The following ADAMTS2 variants were observed in gnomAD, a reference collection of about 807,000 sequenced individuals.
ADAMTS2 encodes A disintegrin and metalloproteinase with thrombospondin motifs 2.
Under a neutral mutation model 123.0 loss-of-function variants are expected in ADAMTS2, and 50 were observed. The ratio of observed to expected loss-of-function variants is 0.41; its 90% CI spans 0.32 to 0.51. The LOEUF (loss-of-function observed/expected upper bound fraction) is 0.51. Ranked by LOEUF, ADAMTS2 falls within the 20% of genes least tolerant of loss-of-function variation. The pLI, the probability that ADAMTS2 is intolerant of heterozygous loss-of-function variation, is 0.35. For missense variants in ADAMTS2, 1,494 were observed against 1,705.2 expected (o/e 0.88, Z 2.18); for synonymous variants, 678 against 695.4 (o/e 0.98, Z 0.39).
chr5:179,299,976 C>A (rs1413051198), intron 2 of ADAMTS2, among the ~76,000 whole-genome samples: 3 of 151,928 alleles, frequency 2.0e-5, no homozygotes, highest in Non-Finnish European at 4.4e-5. Context: ...CGCCTGTAGT[C>A]CCAGCTACTC....
intron 2 of ADAMTS2, among the ~76,000 whole-genome samples, chr5:179,282,954 G>A (rs1295441472): frequency 6.6e-6 from 1 of 152,120 alleles, no homozygotes; most frequent in Non-Finnish European, 1.5e-5. Context: ...GTGAGCCACT[G>A]TGAGCAACTC....
chr5:179,211,072 CCACCTG>C (rs1212690313), intron 3 of ADAMTS2, among the ~76,000 whole-genome samples: 1 of 152,230 alleles, frequency 6.6e-6, no homozygotes, highest in African/African-American at 2.4e-5. Context: ...TTGGGCCTGC[CCACCTG>C]CACTGGTTGC....
intron 3 of ADAMTS2, among the ~76,000 whole-genome samples, chr5:179,211,950 C>A (rs1034341801): frequency 5.9e-5 from 9 of 152,178 alleles, no homozygotes; most frequent in African/African-American, 1.7e-4. Context: ...AACCAAGGAG[C>A]AGGAAAATTA....
rs1763438310 is a variant in ADAMTS2, at chr5:179,154,876, G to A, written c.1176C>T (p.Cys392=). ...VTGMCHPVRS[C]TLNHEDGFSS... is the part of the protein sequence containing the mutation. ...AGAAGCCGTCCTCATGGTTCAGGGT[G>A]CAGCTGCGGACCGGATGGCACATGC... Residue 392 remains cysteine, a synonymous_variant, in exon 7 of 22, where the codon TGC becomes TGT. Transcript: ENST00000251582. The A allele has an allele frequency of 6.2e-7, 1 of 1,613,640 alleles. No homozygotes were observed. Among genetic ancestry groups the A allele is most frequent in the African/African-American group, 1.3e-5 (1 of 74,940 alleles).
chr5:179,231,943 GA>G (rs58118969), intron 3 of ADAMTS2, among the ~76,000 whole-genome samples: 35 of 149,326 alleles, frequency 2.3e-4, no homozygotes, highest in African/African-American at 3.4e-4. Context: ...AAAAGAAAAA[GA>G]AAAAAAAAAA....
intron 3 of ADAMTS2, among the ~76,000 whole-genome samples, chr5:179,263,666 T>A (rs1417860887): frequency 6.6e-6 from 1 of 152,152 alleles, no homozygotes; most frequent in Non-Finnish European, 1.5e-5. Flanking sequence ...AGGGACCAAG[T>A]CAAGAGCTCT....
rs1007945477 is a variant in ADAMTS2 at position 179,314,538 on chromosome 5, C to A, written c.534+29229G>T. ...AGCAGCCCTCCCACCCACAGCGCTCCTGCCTCTGCAGCCCCCCGGGCCGTG... is the reference window on the plus strand; with the variant it reads ...AGCAGCCCTCCCACCCACAGCGCTCATGCCTCTGCAGCCCCCCGGGCCGTG... On this transcript the variant is annotated intron_variant, in intron 2 of 21. Coordinates refer to ENST00000251582, the MANE Select transcript of ADAMTS2 (RefSeq NM_014244.5). This position sits in a 1 kb window ranked among gnomAD's most constrained non-coding sequence, Gnocchi z 4.5. Among the ~76,000 whole-genome samples, 1 of 152,184 alleles carries A rather than the reference C, an allele frequency of 6.6e-6. No individual in the cohort carries two copies. Among genetic ancestry groups the A allele is most frequent in the Non-Finnish European group, 1.5e-5 (1 of 68,032 alleles).
At chr5:179,147,828 C>T (rs1359668914) in intron 10 of ADAMTS2, among the ~76,000 whole-genome samples, 1 of 152,176 alleles carries the variant, frequency 6.6e-6, no homozygotes, top group African/African-American at 2.4e-5. Context: ...CAGTGGCACC[C>T]ACGGGAGGAG....
In ADAMTS2 at chr5:179,228,174, G is replaced by A. The variant is rs1429907484; in HGVS notation, c.689-20459C>T. ...GAGAGAGGGTGGGCCGGAGGCCCCA[G>A]GTGTGGGCGGCCTCCAGGATGAATC... On this transcript the variant is annotated intron_variant, in intron 3 of 21. Transcript: ENST00000251582. The surrounding 1 kb of genome is among the most constrained non-coding windows in gnomAD (Gnocchi z 5.2). 2.0e-5 allele frequency among the ~76,000 whole-genome samples: 3 copies of A among 152,208 alleles called. No homozygotes were observed. The highest frequency in any genetic ancestry group is 7.2e-5 in the African/African-American group (3 of 41,458).
rs1554094529 is a variant in ADAMTS2, at chr5:179,277,319, A to AAC, written c.535-4256_535-4255insGT. Among the ~76,000 whole-genome samples the AAC allele has an allele frequency of 2.9e-4, 18 of 62,594 alleles. 3 individuals are homozygous for AAC. The highest frequency in any genetic ancestry group is 7.2e-4 in the African/African-American group (6 of 8,346). The allele number at this position is 62,594 out of a possible 152,430, so 41.1% of individuals were successfully genotyped here. ...GCACCTGCCCCGAGACCAAAGGCTG[A>AAC]CACCCCGAGACCAAAGGCTGACCCC... On this transcript the variant is annotated intron_variant, in intron 2 of 21. Transcript: ENST00000251582.
intron 10 of ADAMTS2, among the ~76,000 whole-genome samples, chr5:179,141,066 C>T (rs1429076986): frequency 6.6e-6 from 1 of 151,928 alleles, no homozygotes; most frequent in African/African-American, 2.4e-5. Flanking sequence ...CCACCTGCCT[C>T]AGCCTTCCAA....
chr5:179,264,727 G>C (rs1391399277), intron 3 of ADAMTS2, among the ~76,000 whole-genome samples: 1 of 152,206 alleles, frequency 6.6e-6, no homozygotes, highest in South Asian at 2.1e-4. Flanking sequence ...GTGAGCACTG[G>C]GCAGGCGCCC....
intron 17 of ADAMTS2, among the ~76,000 whole-genome samples, chr5:179,126,817 G>A (rs1762868022): frequency 6.6e-6 from 1 of 152,192 alleles, no homozygotes; most frequent in Non-Finnish European, 1.5e-5. Context: ...AGGAAGCAGA[G>A]GCTGGGGAGG....
At chr5:179,131,307 A>C (rs75252024) in intron 15 of ADAMTS2, among the ~76,000 whole-genome samples, 34 of 125,416 alleles carry the variant, frequency 2.7e-4, no homozygotes, top group African/African-American at 1.2e-3. Flanking sequence ...AGCGAGACTC[A>C]AAAAAAAAAA....
At chr5:179,137,139 A>G (rs1046473294) in intron 12 of ADAMTS2, among the ~76,000 whole-genome samples, 5 of 152,164 alleles carry the variant, frequency 3.3e-5, no homozygotes, top group African/African-American at 2.4e-5. Context: ...GGGGGACCCC[A>G]TCTGCTGTGT....
chr5:179,252,914 A>G (rs1765960683), intron 3 of ADAMTS2, among the ~76,000 whole-genome samples: 1 of 152,340 alleles, frequency 6.6e-6, no homozygotes, highest in African/African-American at 2.4e-5. Context: ...CACGTCAAAT[A>G]TGTTGAGGTT....
At position 179,129,598 on chromosome 5, in the gene ADAMTS2, T is replaced by C. The variant is rs1762924423; in HGVS notation, c.2457+334A>G. Among the ~76,000 whole-genome samples the C allele has an allele frequency of 2.6e-5, 4 of 152,000 alleles. No homozygotes were observed. Among genetic ancestry groups the C allele is most frequent in the Non-Finnish European group, 5.9e-5 (4 of 67,996 alleles). ...AGCTTCCCAGACCCTGAGCGTCACC[T>C]CCCAGAGTGTCACCGATTCCAATGT... is the stretch of plus-strand genomic sequence containing the variant. On this transcript the variant is annotated intron_variant, in intron 16 of 21. Coordinates refer to ENST00000251582, the MANE Select transcript of ADAMTS2 (RefSeq NM_014244.5). This position sits in a 1 kb window ranked among gnomAD's most constrained non-coding sequence, Gnocchi z 4.1.
intron 3 of ADAMTS2, among the ~76,000 whole-genome samples, chr5:179,217,292 C>T (rs1269755128): frequency 6.6e-6 from 1 of 152,150 alleles, no homozygotes; most frequent in East Asian, 1.9e-4. Flanking sequence ...GAGCGACTTA[C>T]ATAAATTATG....
intron 3 of ADAMTS2, among the ~76,000 whole-genome samples, chr5:179,219,412 C>T (rs1765074540): frequency 6.6e-6 from 1 of 152,252 alleles, no homozygotes; most frequent in Non-Finnish European, 1.5e-5. Flanking sequence ...AATGTGCTGG[C>T]CTGAGAGAGA....
Sources: gnomAD v4.1 joint callset for allele counts (sites outside exome capture counted in the v4.1 genomes callset) on GRCh38, gnomAD v4.1.1 for gene constraint, Gnocchi (gnomAD v3.1) non-coding constraint, MANE v1.5 for transcripts, NCBI Gene and HGNC (gene_info 2026-07-23, HGNC 2026-07-21) for gene names.